Variants in FUT8 observed in about 807,000 individuals in gnomAD.
FUT8 encodes alpha-(1,6)-fucosyltransferase.
Under a neutral mutation model 71.3 loss-of-function variants are expected in FUT8, and 29 were observed. The observed-to-expected ratio is 0.41, with a 90% CI of 0.30 to 0.55. The LOEUF (loss-of-function observed/expected upper bound fraction) is 0.55, where lower values mean the gene tolerates loss of function less well. Among genes scored for constraint, FUT8 ranks in the 20% least tolerant of loss-of-function variants. FUT8 has a pLI of 0.34. For synonymous variants in FUT8, 254 were observed against 239.3 expected (o/e 1.06, Z -0.57); for missense variants, 544 against 702.1 (o/e 0.77, Z 2.55).
chr14:65,525,948 C>T (rs1020440918), intron 2 of FUT8, among the ~76,000 whole-genome samples: 10 of 152,280 alleles, frequency 6.6e-5, no homozygotes, highest in African/African-American at 2.2e-4. Flanking sequence ...AATTTCTGTT[C>T]TTTTACATTT....
chr14:65,373,941 T>C, the FUT8 span, among the ~76,000 whole-genome samples: 1,465 of 150,904 alleles, frequency 9.7e-3, 25 homozygotes, highest in African/African-American at 0.034. Flanking sequence ...GCAAGGAGGG[T>C]TAAGAGGAGA....
At chr14:65,402,587 G>T in the FUT8 span, among the ~76,000 whole-genome samples, 2 of 152,096 alleles carry the variant, frequency 1.3e-5, no homozygotes, top group East Asian at 3.9e-4. Flanking sequence ...AGAATGGCAT[G>T]AACTAGGGAG....
At chr14:65,468,090 G>A (rs1566765941) in intron 2 of FUT8, 5 of 633,434 alleles carry the variant, frequency 7.9e-6, no homozygotes, top group Middle Eastern at 2.6e-4. Context: ...CCAACAGCAT[G>A]CTGAGTAACG....
intron 3 of FUT8, among the ~76,000 whole-genome samples, chr14:65,581,940 A>G (rs76023062): frequency 0.012 from 1,836 of 152,290 alleles, 15 homozygotes; most frequent in Middle Eastern, 0.024. Flanking sequence ...ATTTTGACAG[A>G]TTTTAATTTT....
intron 5 of FUT8, among the ~76,000 whole-genome samples, chr14:65,623,361 A>G (rs989369676): frequency 6.6e-6 from 1 of 152,128 alleles, no homozygotes; most frequent in Non-Finnish European, 1.5e-5. Flanking sequence ...ATAAAACATA[A>G]CCAATTTTTG....
At chr14:65,595,547 A>G (rs1887917948) in intron 3 of FUT8, among the ~76,000 whole-genome samples, 1 of 149,792 alleles carries the variant, frequency 6.7e-6, no homozygotes. Flanking sequence ...GAATTGACAT[A>G]TATTCCTTAT....
At chr14:65,411,946 T>C (rs1398061308), upstream of FUT8, 1 of 445,884 alleles carries the variant, frequency 2.2e-6, no homozygotes, top group Non-Finnish European at 4.5e-6. Context: ...AGCCCTTCGG[T>C]CCACTGCTCT....
intron 3 of FUT8, among the ~76,000 whole-genome samples, chr14:65,593,586 T>C (rs1887805076): frequency 6.6e-6 from 1 of 151,962 alleles, no homozygotes; most frequent in Non-Finnish European, 1.5e-5. Flanking sequence ...CTTTTCTTTT[T>C]TTTTTTGAGA....
chr14:65,573,234 A>G (rs768673850), intron 3 of FUT8, among the ~76,000 whole-genome samples: 3 of 152,138 alleles, frequency 2.0e-5, no homozygotes, highest in Non-Finnish European at 2.9e-5. Context: ...CCCACCCACA[A>G]CAAAGATGGT....
intron 2 of FUT8, among the ~76,000 whole-genome samples, chr14:65,496,241 T>C (rs1012393887): frequency 6.6e-6 from 1 of 152,214 alleles, no homozygotes; most frequent in African/African-American, 2.4e-5. Flanking sequence ...TTCAGTCATA[T>C]TCCTTTTAGA....
chr14:65,532,271 C>T (rs1884006312), intron 2 of FUT8, among the ~76,000 whole-genome samples: 1 of 152,186 alleles, frequency 6.6e-6, no homozygotes. Context: ...CCTCTGCAAC[C>T]TTGCCAGCAT....
chr14:65,371,011 G>A, the FUT8 span, among the ~76,000 whole-genome samples: 3 of 152,306 alleles, frequency 2.0e-5, no homozygotes, highest in East Asian at 5.8e-4. Context: ...GTTTAGTAAT[G>A]TTTGTCATGT....
chr14:65,508,588 C>T (rs1167871345), intron 2 of FUT8, among the ~76,000 whole-genome samples: 10 of 146,320 alleles, frequency 6.8e-5, no homozygotes, highest in African/African-American at 2.0e-4. Context: ...ACAACCTCCA[C>T]CTCCCGGGTT....
At chr14:65,655,212 G>A (rs992233954) in intron 6 of FUT8, among the ~76,000 whole-genome samples, 1 of 151,752 alleles carries the variant, frequency 6.6e-6, no homozygotes, top group Non-Finnish European at 1.5e-5. Flanking sequence ...GGTTGCTCAC[G>A]CCTGTAATCC....
At chr14:65,697,222 A>G (rs1049015353) in intron 7 of FUT8, among the ~76,000 whole-genome samples, 1 of 152,206 alleles carries the variant, frequency 6.6e-6, no homozygotes, top group Non-Finnish European at 1.5e-5. Context: ...TACTGTAGCC[A>G]TAGCTATGGT....
intron 2 of FUT8, among the ~76,000 whole-genome samples, chr14:65,492,676 T>C (rs960231076): frequency 6.6e-6 from 1 of 152,104 alleles, no homozygotes; most frequent in Non-Finnish European, 1.5e-5. Context: ...GTACCTAATA[T>C]GTCAGACGCA....
rs532357766 is a variant in FUT8 at position 65,692,601 on chromosome 14, G to A, written c.835+23121G>A. 5.1e-4 allele frequency among the ~76,000 whole-genome samples: 77 copies of A among 150,778 alleles called. 3 individuals carry two copies. The South Asian group carries it at 0.015, about 29-fold the overall frequency. On this transcript the variant is annotated intron_variant, in intron 7 of 10. Transcript: ENST00000673929. ...TCCCGGACGGGGCGGCTGGCTGGGC[G>A]GGGGGCTGACCCCCACCCCCCTCCC...
intron 3 of FUT8, among the ~76,000 whole-genome samples, chr14:65,612,516 G>T (rs1240720628): frequency 6.6e-6 from 1 of 152,156 alleles, no homozygotes; most frequent in African/African-American, 2.4e-5. Flanking sequence ...TGTGTGTGCT[G>T]ATGAGTACTC....
Position 65,589,610 on chromosome 14 carries a change from A to G in FUT8, c.204-26368A>G, listed in dbSNP as rs548585251. 2.0e-4 allele frequency among the ~76,000 whole-genome samples: 31 copies of G among 151,868 alleles called. No homozygotes were observed. In the South Asian group the frequency reaches 6.3e-3, roughly 31 times the overall value. ...AGGCGCCCGCCACCACGCCTGGCTA[A>G]CTTTTTTGTATTTTTAGTAGAGACG... On this transcript the variant is annotated intron_variant, in intron 3 of 10. Coordinates refer to ENST00000673929, the MANE Select transcript of FUT8 (RefSeq NM_001371533.1).
Sources: allele counts gnomAD v4.1 joint callset (sites outside exome capture counted in the v4.1 genomes callset), GRCh38; gene constraint gnomAD v4.1.1; transcripts MANE v1.5; gene names NCBI Gene and HGNC (gene_info 2026-07-23, HGNC 2026-07-21).